USP6: variants seen among roughly 807,000 people sequenced by gnomAD.
USP6 encodes ubiquitin specific peptidase 6.
USP6 carries 128 observed loss-of-function variants against 175.7 expected under a neutral mutation model. The observed-to-expected ratio is 0.73, with a 90% confidence interval of 0.63 to 0.84. USP6 has a LOEUF of 0.84. USP6 is among the 40% of genes least tolerant of loss of function. The probability of loss-of-function intolerance (pLI) is 0.00; values close to 1 mark genes in which losing one functional copy is unlikely to be tolerated. For missense variants in USP6, 1,498 were observed against 1,760.3 expected (o/e 0.85, Z 2.67); for synonymous variants, 562 against 630.6 (o/e 0.89, Z 1.63).
intron 25 of USP6, among the ~76,000 whole-genome samples, chr17:5,144,194 A>T (rs1481534382): frequency 6.6e-6 from 1 of 152,072 alleles, no homozygotes; most frequent in African/African-American, 2.4e-5. Context: ...CAAGACCAGA[A>T]AATGTAATTG....
intron 21 of USP6, 55 bp from the exon 22 acceptor site, chr17:5,139,200 G>A (rs1032635414): frequency 1.8e-5 from 28 of 1,598,296 alleles, no homozygotes; most frequent in East Asian, 8.9e-5. Context: ...GGCCCAGCCC[G>A]GAAAGGCCTG....
In USP6 at chr17:5,138,010, T is replaced by G. The variant is rs2073313062; in HGVS notation, c.926-111T>G. ...CCTGTGTACATCTGGATGCCTGGGG[T>G]GGCCACAAAAGGATTCGGCACCGCC... On this transcript the variant is annotated intron_variant, in intron 20 of 37. Transcript: ENST00000574788. The G allele has an allele frequency of 2.5e-6, 4 of 1,579,222 alleles. No individual in the cohort carries two copies. The Admixed American group carries it at 5.3e-5, about 21-fold the overall frequency.
At position 5,116,505 on chromosome 17, in the gene USP6, C is replaced by G. The variant is rs77450252; in HGVS notation, c.-2163C>G. The G allele has an allele frequency of 0.032, 4,935 of 152,434 alleles. 128 individuals are homozygous for G. Among genetic ancestry groups the G allele is most frequent in the East Asian group, 0.11 (593 of 5,188 alleles). The allele number at this position is 152,434 out of a possible 1,614,324, so 9.4% of individuals were successfully genotyped here. ...CACTGAGCCGACGAAAGGGAAAAGGCCAGTGCCTGTCCGGGAAGAGCTCAG... is the reference window on the plus strand; with the variant it reads ...CACTGAGCCGACGAAAGGGAAAAGGGCAGTGCCTGTCCGGGAAGAGCTCAG... On this transcript the variant is annotated 5_prime_UTR_variant, in exon 1 of 38. Transcript: ENST00000574788.
At chr17:5,162,409 A>G (rs547076558) in intron 32 of USP6, among the ~76,000 whole-genome samples, 14 of 152,196 alleles carry the variant, frequency 9.2e-5, no homozygotes, top group African/African-American at 3.4e-4. Flanking sequence ...CAGCCTCCCA[A>G]AGTGCTGGGA....
At chr17:5,141,226 TCATA>T (rs947503229) in intron 22 of USP6, among the ~76,000 whole-genome samples, 195 bp from the exon 23 acceptor site, 10 of 152,264 alleles carry the variant, frequency 6.6e-5, no homozygotes, top group African/African-American at 2.4e-4. Context: ...TCCGTGATGT[TCATA>T]CAAAGACAAA....
In USP6 at chr17:5,139,519, T is replaced by A. The variant is rs770746941; in HGVS notation, c.1343T>A (p.Phe448Tyr). The A allele has an allele frequency of 4.3e-6, 7 of 1,613,766 alleles. No homozygotes were observed. In the East Asian group the frequency reaches 1.6e-4, roughly 36 times the overall value. ...AQGGPQGSWR[F>Y]LEWKSMPRLP... Reference sequence around the variant, plus strand: ...GGAGGACCTCAGGGTTCCTGGAGATTCCTGGAGTGGAAGTCAATGCCCCGG... The same window carrying A: ...GGAGGACCTCAGGGTTCCTGGAGATACCTGGAGTGGAAGTCAATGCCCCGG... The change falls in exon 22 of 38, where the codon TTC becomes TAC. Residue 448 changes from phenylalanine to tyrosine, a missense_variant. Physicochemically the swap from Phe to Tyr is conservative, Grantham distance 22 (BLOSUM62 3). Around this residue, in one of 2 missense-constraint regions of USP6, gnomAD observed 1,217 missense variants for 1,500.8 expected, o/e 0.81. Transcript: ENST00000574788.
intron 31 of USP6, 56 bp from the exon 32 acceptor site, chr17:5,161,472 G>A (rs1229916977): frequency 6.3e-6 from 10 of 1,574,912 alleles, no homozygotes; most frequent in Non-Finnish European, 8.7e-6. Context: ...ATGAAAAGGA[G>A]TTGGACCTCG....
intron 17 of USP6, 57 bp from the exon 18 acceptor site, chr17:5,136,583 A>T: frequency 6.3e-7 from 1 of 1,593,992 alleles, no homozygotes; most frequent in Non-Finnish European, 8.6e-7. Context: ...CTTTCAGCTG[A>T]TGGCTCCACA....
rs146301933 is a variant in USP6 at position 5,128,193 on chromosome 17, C to A, written c.-338+554C>A. On this transcript the variant is annotated intron_variant, in intron 7 of 37. Coordinates refer to ENST00000574788, the MANE Select transcript of USP6 (RefSeq NM_001304284.2). Reference sequence around the variant, plus strand: ...TTTCTGGACCCTGGAATTTGGCATCCCCTAGGCCCTGGGTGGGACAGCTGA... The same window carrying A: ...TTTCTGGACCCTGGAATTTGGCATCACCTAGGCCCTGGGTGGGACAGCTGA... Among the ~76,000 whole-genome samples the A allele has an allele frequency of 1.0e-3, 156 of 152,278 alleles. 3 individuals carry two copies. The East Asian group carries it at 0.025, about 24-fold the overall frequency.
At chr17:5,163,907 G>A (rs556157545) in intron 33 of USP6, among the ~76,000 whole-genome samples, 42 of 152,278 alleles carry the variant, frequency 2.8e-4, no homozygotes, top group African/African-American at 9.4e-4. Flanking sequence ...TTCTTCTATT[G>A]TCGCTGTCTG....
chr17:5,123,903 G>A (rs757708443), intron 4 of USP6, among the ~76,000 whole-genome samples: 54 of 135,940 alleles, frequency 4.0e-4, no homozygotes, highest in Non-Finnish European at 8.4e-4. Flanking sequence ...GCACGCACGT[G>A]CGCACACACA....
At chr17:5,134,838 C>T (rs1457155051) in intron 15 of USP6, 6 of 312,002 alleles carry the variant, frequency 1.9e-5, no homozygotes, top group Admixed American at 4.5e-5. Flanking sequence ...GCTGACGGAT[C>T]GGGGAGAGGC....
Position 5,168,618 on chromosome 17 carries a change from C to G in USP6, c.3229-149C>G, listed in dbSNP as rs1393084692. The G allele has an allele frequency of 7.2e-6, 9 of 1,241,436 alleles. 1 individual carries two copies. The Admixed American group carries it at 1.6e-4, about 22-fold the overall frequency. 76.9% of individuals were successfully genotyped at this position (1,241,436 alleles called of 1,614,324 possible). A position where few individuals can be genotyped will look rare whatever the true frequency, so the allele number is the denominator to read the frequency against. On this transcript the variant is annotated intron_variant, in intron 34 of 37. Coordinates refer to ENST00000574788, the MANE Select transcript of USP6 (RefSeq NM_001304284.2). The stretch of plus-strand genomic sequence containing the variant: ...GCCTGTGTAGAGGCCTTTATGAAAC[C>G]ATATTTTTGAAGTCTTTAAAAAATA...
chr17:5,150,291 T>TAAAA (rs1157025599), intron 30 of USP6, among the ~76,000 whole-genome samples: 42 of 120,020 alleles, frequency 3.5e-4, no homozygotes, highest in East Asian at 2.6e-3. Context: ...AAACTCCGTC[T>TAAAA]AAAAAAATAA....
chr17:5,134,271 G>C (rs2073180326), intron 15 of USP6: 1 of 425,880 alleles, frequency 2.3e-6, no homozygotes, highest in Non-Finnish European at 4.4e-6. Context: ...TGCTCTCCCT[G>C]ACCCACGGAG....
At chr17:5,138,378 C>CT in intron 21 of USP6, 105 bp downstream of exon 21, 1 of 1,569,558 alleles carries the variant, frequency 6.4e-7, no homozygotes, top group Non-Finnish European at 8.6e-7. Context: ...TCCTCTTCAC[C>CT]TTTTCTTCCT....
In USP6 at chr17:5,155,440, T is replaced by C. The variant is rs780074458; in HGVS notation, c.2662T>C (p.Phe888Leu). The change falls in exon 31 of 38, where the codon TTC (phenylalanine) becomes CTC (leucine). Residue 888 changes from phenylalanine (F) to leucine (L), a missense_variant. This residue lies in a region of USP6 where 1,217 missense variants were observed against 1,500.8 expected (regional missense o/e 0.81). Transcript: ENST00000574788. ...CATACAGATGAGGACAGAACTGTAT[T>C]TCCTGTCACCTCAGGAGAATCGCCC... ...HRKMMRTELY[F>L]LSPQENRPSL... 1.2e-6 allele frequency: 2 copies of C among 1,614,064 alleles called. No homozygotes were observed. The highest frequency in any genetic ancestry group is 2.2e-5 in the South Asian group (2 of 91,058).
intron 27 of USP6, 89 bp from the exon 28 acceptor site, chr17:5,145,934 A>G: frequency 3.5e-6 from 5 of 1,410,792 alleles, no homozygotes; most frequent in Non-Finnish European, 4.6e-6. Flanking sequence ...TTGCTATTAT[A>G]TTTACAGGTC....
chr17:5,135,014 T>A, intron 15 of USP6: 1 of 510,954 alleles, frequency 2.0e-6, no homozygotes, highest in Non-Finnish European at 3.6e-6. Context: ...TCATTCAGCG[T>A]GAAAAGGATC....
Sources: allele counts gnomAD v4.1 joint callset (sites outside exome capture counted in the v4.1 genomes callset), GRCh38; gene constraint gnomAD v4.1.1; regional missense constraint gnomAD v4.1.1; transcripts MANE v1.5; gene names NCBI Gene and HGNC (gene_info 2026-07-23, HGNC 2026-07-21).